The following VPS13C variants were observed in gnomAD, a reference collection of about 807,000 sequenced individuals.
VPS13C encodes the protein vacuolar protein sorting 13 homolog C, also known as intermembrane lipid transfer protein VPS13C.
In VPS13C, 358 loss-of-function variants were observed where a neutral mutation model predicts 456.8. The observed-to-expected ratio is 0.78, with a 90% CI of 0.72 to 0.86. The LOEUF (loss-of-function observed/expected upper bound fraction) is 0.86, where lower values mean the gene tolerates loss of function less well. Among genes scored for constraint, VPS13C ranks in the 40% least tolerant of loss-of-function variants. The probability of loss-of-function intolerance (pLI) is 0.00; values close to 1 mark genes in which losing one functional copy is unlikely to be tolerated. For synonymous variants in VPS13C, 1,578 were observed against 1,486.7 expected (o/e 1.06, Z -1.41); for missense variants, 4,818 against 4,385.4 (o/e 1.10, Z -2.79).
chr15:62,032,979 G>T (rs1365686915), intron 5 of VPS13C, among the ~76,000 whole-genome samples: 3 of 150,932 alleles, frequency 2.0e-5, no homozygotes, highest in African/African-American at 7.3e-5. Context: ...AAGTTTTTGG[G>T]TTTTTTTTTA....
intron 48 of VPS13C, among the ~76,000 whole-genome samples, chr15:61,935,253 T>C (rs1387968500): frequency 6.6e-6 from 1 of 152,152 alleles, no homozygotes; most frequent in East Asian, 1.9e-4. Context: ...ACTGAATAGA[T>C]CTTGCTTTCA....
chr15:61,916,064 T>C, intron 60 of VPS13C, 42 bp from the exon 61 acceptor site: 1 of 1,514,070 alleles, frequency 6.6e-7, no homozygotes, highest in Non-Finnish European at 8.8e-7. Flanking sequence ...TTTTAAAAAC[T>C]CTGAAATAAC....
intron 66 of VPS13C, among the ~76,000 whole-genome samples, chr15:61,897,260 T>A (rs2042853560): frequency 6.6e-6 from 1 of 152,136 alleles, no homozygotes; most frequent in Non-Finnish European, 1.5e-5. Context: ...GAGAATGACT[T>A]TGATGAGCTA....
rs202054426 is a variant in VPS13C at position 61,941,927 on chromosome 15, T to C, written c.5289A>G (p.Pro1763=). 1 of 1,613,970 alleles carries C rather than the reference T, an allele frequency of 6.2e-7. No individual in the cohort carries two copies. Among genetic ancestry groups the C allele is most frequent in the Admixed American group, 1.7e-5 (1 of 60,000 alleles). The part of the protein sequence containing the change: ...RLLMDINLKA[P]VIIIPQSSVS... Reference sequence around the variant, plus strand: ...CTGAAGACTGAGGAATAATAATAACTGGTGCTTTCAAATTAATATCCATCA... The same window carrying C: ...CTGAAGACTGAGGAATAATAATAACCGGTGCTTTCAAATTAATATCCATCA... Residue 1763 remains proline (P), a synonymous_variant, in exon 46 of 85, where the codon CCA becomes CCG. Transcript: ENST00000644861.
chr15:61,920,447 G>A, intron 56 of VPS13C, 51 bp downstream of exon 56: 2 of 1,486,148 alleles, frequency 1.3e-6, no homozygotes, highest in South Asian at 1.4e-5. Context: ...AAAATTATAT[G>A]TTTCATTTTA....
intron 27 of VPS13C, 108 bp from the exon 28 acceptor site, chr15:61,969,560 G>T: frequency 1.6e-6 from 1 of 612,924 alleles, no homozygotes; most frequent in Non-Finnish European, 2.4e-6. Flanking sequence ...TAGTAACTTT[G>T]CTCATATCCT....
chr15:61,977,820 A>G (rs562488472), intron 23 of VPS13C, among the ~76,000 whole-genome samples: 1 of 152,082 alleles, frequency 6.6e-6, no homozygotes, highest in Non-Finnish European at 1.5e-5. Context: ...ACAAAAGAAA[A>G]GGCAGTTTTA....
intron 9 of VPS13C, among the ~76,000 whole-genome samples, chr15:62,014,814 T>G (rs1420594322): frequency 1.3e-5 from 2 of 152,070 alleles, no homozygotes; most frequent in Non-Finnish European, 2.9e-5. Flanking sequence ...ATTTTACAGG[T>G]CTTTGACAAA....
In VPS13C at chr15:61,964,717, T is replaced by G. The variant is rs1460155654; in HGVS notation, c.3196A>C (p.Asn1066His). 7 of 1,602,346 alleles carry G rather than the reference T, an allele frequency of 4.4e-6. No homozygotes were observed. In the African/African-American group the frequency reaches 9.4e-5, roughly 22 times the overall value. The part of the protein sequence containing the change: ...VQISTEKQQK[N>H]STLPKAIVSS... ...TTCATACCTTTTGGCAGAGTTGAAT[T>G]TTTTTGTTGTTTTTCAGTTGAAATT... Residue 1066 changes from asparagine (N) to histidine (H), a missense_variant, in exon 31 of 85, where the codon AAT becomes CAT. By Grantham distance (68) the Asn-to-His change is moderately conservative (BLOSUM62 1). This residue lies in a region of VPS13C where 4,552 missense variants were observed against 4,130.6 expected (regional missense o/e 1.10). Coordinates refer to ENST00000644861, the MANE Select transcript of VPS13C (RefSeq NM_020821.3).
At chr15:61,968,935 C>T (rs1201870431) in intron 28 of VPS13C, among the ~76,000 whole-genome samples, 3 of 152,016 alleles carry the variant, frequency 2.0e-5, no homozygotes, top group Non-Finnish European at 2.9e-5. Flanking sequence ...GAATAATATT[C>T]CCCATATCAA....
chr15:61,917,430 C>T lies in VPS13C; in HGVS notation c.7966G>A (p.Glu2656Lys), dbSNP rs1310590202. Residue 2656 changes from glutamate to lysine, a missense_variant, in exon 60 of 85, where the codon GAA (glutamate) becomes AAA (lysine). This residue lies in a region of VPS13C where 4,552 missense variants were observed against 4,130.6 expected (regional missense o/e 1.10). Transcript: ENST00000644861. ...DELSYICTHG[E>K]DWDVAYIIHL... The stretch of plus-strand genomic sequence containing the variant: ...ATAATGTAAGCTACATCCCAGTCTT[C>T]CCCATGTGTACATATGTAGCTCAAT... 3.1e-6 allele frequency: 5 copies of T among 1,613,862 alleles called. No homozygotes were observed. Among genetic ancestry groups the T allele is most frequent in the African/African-American group, 2.7e-5 (2 of 74,930 alleles).
At position 61,875,754 on chromosome 15, in the gene VPS13C, G is replaced by A; in HGVS notation, c.10316C>T (p.Ala3439Val). Residue 3439 changes from alanine (A) to valine (V), a missense_variant, in exon 76 of 85, where the codon GCT (alanine) becomes GTT (valine). Ala to Val is a moderately conservative substitution (Grantham distance 64). Around this residue, in one of 3 missense-constraint regions of VPS13C, gnomAD observed 4,552 missense variants for 4,130.6 expected, o/e 1.10. Transcript: ENST00000644861. The part of the protein sequence containing the change: ...LIRGLSEGVE[A>V]LFYEPFQGAV... Reference sequence around the variant, plus strand: ...TACCTGGAAGGGTTCATAGAATAAAGCTTCAACTCCTTCAGACAGACCTCT... The same window carrying A: ...TACCTGGAAGGGTTCATAGAATAAAACTTCAACTCCTTCAGACAGACCTCT... The A allele has an allele frequency of 1.9e-6, 3 of 1,610,926 alleles. No homozygotes were observed. Among genetic ancestry groups the A allele is most frequent in the Non-Finnish European group, 2.5e-6 (3 of 1,178,530 alleles).
At chr15:61,913,995 A>G (rs1471352936) in intron 61 of VPS13C, among the ~76,000 whole-genome samples, 1 of 152,176 alleles carries the variant, frequency 6.6e-6, no homozygotes, top group Non-Finnish European at 1.5e-5. Context: ...GAGAGGATAA[A>G]TAGTTTACTT....
rs1273293093 is a variant in VPS13C, at chr15:61,987,076, T to TTA, written c.1579-2079_1579-2078dup. Among the ~76,000 whole-genome samples the TTA allele has an allele frequency of 4.6e-5, 7 of 152,202 alleles. No individual in the cohort carries two copies. The East Asian group carries it at 1.4e-3, about 29-fold the overall frequency. ...ACTGGAATATTCGATATTGCTAAAA[T>TTA]TACAATTTTCCCCATAATAATTTAC... is the stretch of plus-strand genomic sequence containing the variant. On this transcript the variant is annotated intron_variant, in intron 18 of 84. Transcript: ENST00000644861.
chr15:61,985,301 G>C (rs1002126788), intron 18 of VPS13C, among the ~76,000 whole-genome samples: 10 of 152,142 alleles, frequency 6.6e-5, no homozygotes, highest in Admixed American at 4.6e-4. Flanking sequence ...TCTATTGCCA[G>C]GCTGGAGTGC....
At chr15:61,965,911 A>G (rs1382895581) in intron 30 of VPS13C, among the ~76,000 whole-genome samples, 172 bp downstream of exon 30, 1 of 151,918 alleles carries the variant, frequency 6.6e-6, no homozygotes, top group African/African-American at 2.4e-5. Context: ...CAGCTTTACT[A>G]AGCTGAATCA....
Position 61,922,755 on chromosome 15 carries a change from G to A in VPS13C, c.6617C>T (p.Pro2206Leu). ...MVKEFIIKIS[P>L]IILNTVLTIM... is the part of the protein sequence containing the mutation. ...TGTCAACACAGTATTAAGAATTATGGGTGAAATCTTTAAAAAAGAAAGCAG... is the reference window on the plus strand; with the variant it reads ...TGTCAACACAGTATTAAGAATTATGAGTGAAATCTTTAAAAAAGAAAGCAG... The change falls in exon 54 of 85, where the codon CCC becomes CTC. Residue 2206 changes from proline to leucine, a missense_variant. Coordinates refer to ENST00000644861, the MANE Select transcript of VPS13C (RefSeq NM_020821.3). The A allele has an allele frequency of 6.4e-7, 1 of 1,561,808 alleles. No individual in the cohort carries two copies. The highest frequency in any genetic ancestry group is 8.6e-7 in the Non-Finnish European group (1 of 1,159,486).
In VPS13C at chr15:61,977,209, AT is replaced by A; in HGVS notation, c.2291-11del. On this transcript the variant is annotated splice_polypyrimidine_tract_variant and intron_variant, in intron 23 of 84. Coordinates refer to ENST00000644861, the MANE Select transcript of VPS13C (RefSeq NM_020821.3). ...TTTTTCCAGGTTTCCTCTTTAAAAA[AT>A]AATTTAAGATATTATTTATTATTTT... 6.9e-7 allele frequency: 1 copy of A among 1,448,272 alleles called. No individual in the cohort carries two copies. The highest frequency in any genetic ancestry group is 9.3e-7 in the Non-Finnish European group (1 of 1,075,062). The allele number at this position is 1,448,272 out of a possible 1,614,324, so 89.7% of individuals were successfully genotyped here. A position where few individuals can be genotyped will look rare whatever the true frequency, so the allele number is the denominator to read the frequency against.
intron 1 of VPS13C, among the ~76,000 whole-genome samples, chr15:62,056,779 T>C (rs370885424): frequency 8.1e-4 from 124 of 152,292 alleles, no homozygotes; most frequent in African/African-American, 3.0e-3. Context: ...AGTCAATTAG[T>C]GAAAGTAGTA....
Sources: allele counts gnomAD v4.1 joint callset (sites outside exome capture counted in the v4.1 genomes callset), GRCh38; gene constraint gnomAD v4.1.1; regional missense constraint gnomAD v4.1.1; transcripts MANE v1.5; gene names NCBI Gene and HGNC (gene_info 2026-07-23, HGNC 2026-07-21).